Variants in BMPER observed in about 807,000 individuals in gnomAD.
BMPER encodes BMP binding endothelial regulator.
BMPER carries 45 observed loss-of-function variants against 87.3 expected under a neutral mutation model. That is an observed-to-expected ratio of 0.52 (90% CI 0.41 to 0.66). BMPER has a LOEUF of 0.66. Among genes scored for constraint, BMPER ranks in the 30% least tolerant of loss-of-function variants. BMPER has a pLI of 0.00. For synonymous variants in BMPER, 326 were observed against 316.2 expected, an observed-to-expected ratio of 1.03 and a Z score of -0.33; for missense variants, 784 against 867.5, an observed-to-expected ratio of 0.90 and a Z score of 1.21.
At chr7:34,104,293 A>T (rs1789760507) in intron 13 of BMPER, among the ~76,000 whole-genome samples, 1 of 152,134 alleles carries the variant, frequency 6.6e-6, no homozygotes, top group Non-Finnish European at 1.5e-5. Context: ...TCTCTATGAC[A>T]GCTTCCCTCA....
chr7:33,955,945 A>G (rs1325532748), intron 3 of BMPER, among the ~76,000 whole-genome samples: 2 of 152,228 alleles, frequency 1.3e-5, no homozygotes, highest in Non-Finnish European at 2.9e-5. Context: ...ACAAAATGCC[A>G]AAACAATGTG....
intron 13 of BMPER, among the ~76,000 whole-genome samples, chr7:34,110,993 T>C (rs777790078): frequency 2.6e-5 from 4 of 152,232 alleles, no homozygotes; most frequent in Admixed American, 6.5e-5. Context: ...GTCCTTCTGG[T>C]TCAGCAGTTT....
Position 34,151,409 on chromosome 7 carries a change from C to T in BMPER, c.1877-1683C>T, listed in dbSNP as rs74580639. Reference sequence around the variant, plus strand: ...GTTGGAAGACAGAGTAAATATGATACGATGTCAGGTAGTAGTATGTGTAAA... The same window carrying T: ...GTTGGAAGACAGAGTAAATATGATATGATGTCAGGTAGTAGTATGTGTAAA... On this transcript the variant is annotated intron_variant, in intron 14 of 14. Coordinates refer to ENST00000649409, the MANE Select transcript of BMPER (RefSeq NM_001365308.1). Among the ~76,000 whole-genome samples, 772 of 152,062 alleles carry T rather than the reference C, an allele frequency of 5.1e-3. 2 individuals are homozygous for T. The highest frequency in any genetic ancestry group is 7.8e-3 in the Non-Finnish European group (531 of 67,992).
At chr7:34,005,452 A>T (rs10256568) in intron 6 of BMPER, among the ~76,000 whole-genome samples, 66,823 of 151,448 alleles carry the variant, frequency 0.44, 14,846 homozygotes, top group East Asian at 0.52. Context: ...CATTTTTTTT[A>T]ATTTTTATTT....
chr7:34,100,340 C>A (rs1001797340), intron 13 of BMPER, among the ~76,000 whole-genome samples: 2 of 152,166 alleles, frequency 1.3e-5, no homozygotes, highest in African/African-American at 4.8e-5. Context: ...AGGGGAAAAG[C>A]AGATGAATCA....
chr7:33,915,450 A>C (rs1784069840), intron 2 of BMPER, among the ~76,000 whole-genome samples: 1 of 152,206 alleles, frequency 6.6e-6, no homozygotes, highest in South Asian at 2.1e-4. Context: ...TTCTCATGAA[A>C]TGTTTAAAGC....
At chr7:34,008,754 G>A (rs1786802254) in intron 6 of BMPER, among the ~76,000 whole-genome samples, 1 of 151,866 alleles carries the variant, frequency 6.6e-6, no homozygotes, top group Admixed American at 6.6e-5. Context: ...ATCATGCACG[G>A]GACTGGCTTG....
At chr7:34,071,007 C>T (rs1788723498) in intron 11 of BMPER, among the ~76,000 whole-genome samples, 1 of 152,060 alleles carries the variant, frequency 6.6e-6, no homozygotes, top group South Asian at 2.1e-4. Context: ...CAGCTCTGCA[C>T]TCTGGTGCGA....
intron 6 of BMPER, among the ~76,000 whole-genome samples, chr7:33,980,705 G>A (rs1264754260): frequency 6.6e-6 from 1 of 152,164 alleles, no homozygotes; most frequent in Non-Finnish European, 1.5e-5. Context: ...AGAGCAGCAA[G>A]TCCTCTGTCT....
intron 6 of BMPER, among the ~76,000 whole-genome samples, chr7:34,031,995 A>ATG (rs1265901636): frequency 9.3e-5 from 13 of 140,344 alleles, no homozygotes; most frequent in East Asian, 2.0e-4. Context: ...ATAAATATAT[A>ATG]TGTGTGTGTG....
At chr7:34,052,471 T>G (rs1382018483) in intron 8 of BMPER, among the ~76,000 whole-genome samples, 1 of 152,214 alleles carries the variant, frequency 6.6e-6, no homozygotes, top group Non-Finnish European at 1.5e-5. Context: ...CAACCAGAAG[T>G]CTAATTACTG....
intron 6 of BMPER, among the ~76,000 whole-genome samples, chr7:33,989,882 C>T (rs1200196643): frequency 6.6e-6 from 1 of 152,116 alleles, no homozygotes; most frequent in Admixed American, 6.5e-5. Flanking sequence ...AATCCTTTCC[C>T]CATTGCTTGT....
At chr7:34,040,520 C>G (rs1787804956) in intron 6 of BMPER, among the ~76,000 whole-genome samples, 4 of 151,288 alleles carry the variant, frequency 2.6e-5, no homozygotes, top group Admixed American at 2.6e-4. Context: ...ATGAAGCTGT[C>G]AATAATTTTT....
At chr7:34,117,103 G>A (rs890095590) in intron 13 of BMPER, among the ~76,000 whole-genome samples, 1 of 152,124 alleles carries the variant, frequency 6.6e-6, no homozygotes, top group Non-Finnish European at 1.5e-5. Flanking sequence ...GGCTAGAGGG[G>A]CAGAGTCTTA....
chr7:34,055,403 A>G (rs899831713), intron 9 of BMPER, 100 bp downstream of exon 9: 2 of 1,443,586 alleles, frequency 1.4e-6, no homozygotes, highest in Non-Finnish European at 1.9e-6. Context: ...TAATTTCTAT[A>G]TACATATACA....
intron 6 of BMPER, among the ~76,000 whole-genome samples, chr7:33,993,995 T>A (rs920479519): frequency 1.3e-5 from 2 of 152,180 alleles, no homozygotes; most frequent in African/African-American, 2.4e-5. Context: ...CTCCAGCTGC[T>A]TACTGGGAGA....
At chr7:33,983,007 A>G (rs1785905320) in intron 6 of BMPER, among the ~76,000 whole-genome samples, 1 of 152,202 alleles carries the variant, frequency 6.6e-6, no homozygotes, top group Admixed American at 6.5e-5. Context: ...CGGTAAGGCA[A>G]GAGCTTCAAA....
At chr7:33,947,567 C>G (rs1027417732) in intron 3 of BMPER, among the ~76,000 whole-genome samples, 1 of 152,000 alleles carries the variant, frequency 6.6e-6, no homozygotes, top group Non-Finnish European at 1.5e-5. Context: ...TGTGATGTCT[C>G]ATGAAGAGAA....
intron 6 of BMPER, among the ~76,000 whole-genome samples, chr7:33,986,546 G>C (rs1462094868): frequency 6.6e-6 from 1 of 152,134 alleles, no homozygotes; most frequent in African/African-American, 2.4e-5. Context: ...AATATTCATG[G>C]TTTTAATGAG....
Sources: gnomAD v4.1 joint callset for allele counts (sites outside exome capture counted in the v4.1 genomes callset) on GRCh38, gnomAD v4.1.1 for gene constraint, MANE v1.5 for transcripts, NCBI Gene and HGNC (gene_info 2026-07-23, HGNC 2026-07-21) for gene names.